Variants in USP13 observed in about 807,000 individuals in gnomAD.
The protein encoded by USP13 is ubiquitin carboxyl-terminal hydrolase 13.
Under a neutral mutation model 107.8 loss-of-function variants are expected in USP13, and 68 were observed. The ratio of observed to expected loss-of-function variants is 0.63; its 90% CI spans 0.52 to 0.77. The LOEUF is 0.77. Among genes scored for constraint, USP13 ranks in the 30% least tolerant of loss-of-function variants. The probability of loss-of-function intolerance (pLI) is 0.00; values close to 1 mark genes in which losing one functional copy is unlikely to be tolerated. For missense variants in USP13, 945 were observed against 1,093.3 expected (o/e 0.86, Z 1.91); for synonymous variants, 377 against 389.5 (o/e 0.97, Z 0.38).
rs559679133 is a variant in USP13, at chr3:179,676,137, T to G, written c.169-5741T>G. Among the ~76,000 whole-genome samples, 6 of 152,308 alleles carry G rather than the reference T, an allele frequency of 3.9e-5. No individual in the cohort carries two copies. In the South Asian group the frequency reaches 1.2e-3, roughly 32 times the overall value. Reference sequence around the variant, plus strand: ...TCAGCACTTCTCCTTCCAGCCGCCCTGTGAAGAAGGTGCCTTTCTTTCCCT... The same window carrying G: ...TCAGCACTTCTCCTTCCAGCCGCCCGGTGAAGAAGGTGCCTTTCTTTCCCT... On this transcript the variant is annotated intron_variant, in intron 1 of 20. Transcript: ENST00000263966.
intron 20 of USP13, among the ~76,000 whole-genome samples, chr3:179,782,804 G>A (rs1411829141): frequency 6.6e-6 from 1 of 152,132 alleles, no homozygotes; most frequent in African/African-American, 2.4e-5. Flanking sequence ...GGAGTGCAAT[G>A]GCACAATCTC....
At chr3:179,759,822 C>T (rs992005819) in intron 16 of USP13, among the ~76,000 whole-genome samples, 5 of 152,078 alleles carry the variant, frequency 3.3e-5, no homozygotes, top group African/African-American at 4.8e-5. Context: ...TACAGGTGCA[C>T]GCCACCACCC....
intron 19 of USP13, among the ~76,000 whole-genome samples, chr3:179,777,831 A>T (rs1715601671): frequency 6.6e-6 from 1 of 152,134 alleles, no homozygotes; most frequent in African/African-American, 2.4e-5. Context: ...TAAATTTAAG[A>T]TTAGGAATTT....
rs139069423 is a variant in USP13 at position 179,670,202 on chromosome 3, C to T, written c.169-11676C>T. 3.4e-4 allele frequency among the ~76,000 whole-genome samples: 52 copies of T among 152,262 alleles called. 1 individual carries two copies. The East Asian group carries it at 9.5e-3, about 28-fold the overall frequency. On this transcript the variant is annotated intron_variant, in intron 1 of 20. Coordinates refer to ENST00000263966, the MANE Select transcript of USP13 (RefSeq NM_003940.3). ...CAGCCTCCTAGAGACAACCCTGTCC[C>T]CCATCTGTATAAAGACCCCAATCCT...
chr3:179,727,096 G>A (rs563047874), intron 8 of USP13, among the ~76,000 whole-genome samples: 1 of 150,394 alleles, frequency 6.6e-6, no homozygotes. Context: ...AAGCCCTCCA[G>A]AAAACGGTAG....
intron 19 of USP13, among the ~76,000 whole-genome samples, chr3:179,781,488 C>T (rs767729278): frequency 1.3e-5 from 2 of 151,990 alleles, no homozygotes; most frequent in Non-Finnish European, 2.9e-5. Flanking sequence ...TTTTAAATCC[C>T]TTTCCACATT....
Position 179,745,084 on chromosome 3 carries a change from G to A in USP13, c.1576G>A (p.Ala526Thr), listed in dbSNP as rs756604682. ...AYELTRREAE[A>T]NRRPLPELVR... ...TGAACTAACGAGAAGGGAAGCAGAA[G>A]CAAACAGAAGACCCCTTCCTGAGTT... is the stretch of plus-strand genomic sequence containing the variant. Residue 526 changes from alanine (A) to threonine (T), a missense_variant, in exon 13 of 21, where the codon GCA (alanine) becomes ACA (threonine). Coordinates refer to ENST00000263966, the MANE Select transcript of USP13 (RefSeq NM_003940.3). 1.9e-6 allele frequency: 3 copies of A among 1,614,188 alleles called. No homozygotes were observed. The highest frequency in any genetic ancestry group is 1.3e-5 in the African/African-American group (1 of 75,046).
chr3:179,731,784 G>A (rs1713814286), intron 10 of USP13, among the ~76,000 whole-genome samples: 1 of 152,144 alleles, frequency 6.6e-6, no homozygotes, highest in Admixed American at 6.5e-5. Context: ...TGAGTGGAAC[G>A]CGTGCCCCAC....
intron 4 of USP13, among the ~76,000 whole-genome samples, chr3:179,701,355 C>G (rs1712516415): frequency 6.6e-6 from 1 of 152,292 alleles, no homozygotes; most frequent in East Asian, 1.9e-4. Flanking sequence ...TCTCTTACTT[C>G]AAGTGCTGTT....
chr3:179,683,852 G>A (rs1711761753), intron 2 of USP13, among the ~76,000 whole-genome samples: 1 of 152,086 alleles, frequency 6.6e-6, no homozygotes, highest in Non-Finnish European at 1.5e-5. Flanking sequence ...ACTTATTTTT[G>A]TATTTGTATG....
intron 10 of USP13, among the ~76,000 whole-genome samples, chr3:179,734,305 AAG>A (rs1713909690): frequency 6.6e-6 from 1 of 152,222 alleles, no homozygotes; most frequent in African/African-American, 2.4e-5. Flanking sequence ...GTTACTATAA[AAG>A]GGCATTTTTT....
At position 179,678,166 on chromosome 3, in the gene USP13, G is replaced by A. The variant is rs1340508059; in HGVS notation, c.169-3712G>A. Reference sequence around the variant, plus strand: ...CATATTTTCCCCAGTAAATCTTCTGGTTCAAATTCATTGACTGAATTACAT... The same window carrying A: ...CATATTTTCCCCAGTAAATCTTCTGATTCAAATTCATTGACTGAATTACAT... On this transcript the variant is annotated intron_variant, in intron 1 of 20. Transcript: ENST00000263966. The surrounding 1 kb of genome is among the most constrained non-coding windows in gnomAD (Gnocchi z 4.2). Among the ~76,000 whole-genome samples, 2 of 152,132 alleles carry A rather than the reference G, an allele frequency of 1.3e-5. No individual in the cohort carries two copies. Among genetic ancestry groups the A allele is most frequent in the East Asian group, 3.9e-4 (2 of 5,178 alleles).
intron 6 of USP13, among the ~76,000 whole-genome samples, chr3:179,719,293 T>A (rs1436509573): frequency 2.0e-5 from 3 of 152,152 alleles, no homozygotes; most frequent in African/African-American, 7.2e-5. Flanking sequence ...ATGGTCATTT[T>A]CTGTGTGTAC....
rs1714239949 is a variant in USP13 at position 179,742,479 on chromosome 3, C to T, written c.1534+129C>T. On this transcript the variant is annotated intron_variant, in intron 12 of 20. Coordinates refer to ENST00000263966, the MANE Select transcript of USP13 (RefSeq NM_003940.3). This position sits in a 1 kb window ranked among gnomAD's most constrained non-coding sequence, Gnocchi z 5.0. ...CAGCCCAGGTGATGTCTGCTTTGCA[C>T]ATCTCTTTTCATCTCTTTGTTAGTT... 9.4e-7 allele frequency: 1 copy of T among 1,060,914 alleles called. No homozygotes were observed. The highest frequency in any genetic ancestry group is 1.3e-6 in the Non-Finnish European group (1 of 741,266). 65.7% of individuals were successfully genotyped at this position (1,060,914 alleles called of 1,614,324 possible).
chr3:179,653,684 G>C lies in USP13; in HGVS notation c.168+291G>C, dbSNP rs909546698. On this transcript the variant is annotated intron_variant, in intron 1 of 20. Transcript: ENST00000263966. This position sits in a 1 kb window ranked among gnomAD's most constrained non-coding sequence, Gnocchi z 4.0. ...CCGTTTAAAGATAGATGAAATACAA[G>C]AGTTCCCTGTTCCGAACTGCACGTT... 2.7e-5 allele frequency: 11 copies of C among 401,810 alleles called. No homozygotes were observed. The highest frequency in any genetic ancestry group is 2.1e-4 in the African/African-American group (10 of 47,736). The allele number at this position is 401,810 out of a possible 1,614,324, so 24.9% of individuals were successfully genotyped here.
At chr3:179,704,654 T>C (rs1181748303) in intron 4 of USP13, among the ~76,000 whole-genome samples, 1 of 152,098 alleles carries the variant, frequency 6.6e-6, no homozygotes, top group African/African-American at 2.4e-5. Flanking sequence ...GGGCTTGTGG[T>C]GAACTCAGCT....
intron 1 of USP13, among the ~76,000 whole-genome samples, chr3:179,671,540 A>G (rs1416131076): frequency 6.6e-6 from 1 of 152,170 alleles, no homozygotes; most frequent in Non-Finnish European, 1.5e-5. Flanking sequence ...CATCATACAC[A>G]GTGTTTTGTT....
chr3:179,757,122 T>A lies in USP13; in HGVS notation c.1948+44T>A, dbSNP rs751550559. 3.1e-6 allele frequency: 5 copies of A among 1,597,590 alleles called. No homozygotes were observed. The South Asian group carries it at 5.5e-5, about 18-fold the overall frequency. On this transcript the variant is annotated intron_variant, in intron 16 of 20. Coordinates refer to ENST00000263966, the MANE Select transcript of USP13 (RefSeq NM_003940.3). ...GTTTCTCAATGTCCTACTGTTGTTA[T>A]TAATCTGATGAATTTGTCTGTGAAA...
chr3:179,714,205 A>T (rs996772766), intron 6 of USP13, among the ~76,000 whole-genome samples: 2 of 152,208 alleles, frequency 1.3e-5, no homozygotes, highest in Non-Finnish European at 2.9e-5. Flanking sequence ...GGGTGATTGT[A>T]GGAGAGTCTT....
Sources: gnomAD v4.1 joint callset for allele counts (sites outside exome capture counted in the v4.1 genomes callset) on GRCh38, gnomAD v4.1.1 for gene constraint, Gnocchi (gnomAD v3.1) non-coding constraint, MANE v1.5 for transcripts, NCBI Gene and HGNC (gene_info 2026-07-23, HGNC 2026-07-21) for gene names.